Variants in PSME4 observed in about 807,000 individuals in gnomAD.
PSME4 encodes proteasome activator complex subunit 4.
Under a neutral mutation model 253.9 loss-of-function variants are expected in PSME4, and 89 were observed. The ratio of observed to expected loss-of-function variants is 0.35; its 90% CI spans 0.30 to 0.42. PSME4 has a LOEUF of 0.42. Among genes scored for constraint, PSME4 ranks in the 10% least tolerant of loss-of-function variants. PSME4 has a pLI of 1.00. For missense variants in PSME4, 2,014 were observed against 2,195.2 expected (o/e 0.92, Z 1.65); for synonymous variants, 851 against 759.2 (o/e 1.12, Z -1.99).
intron 1 of PSME4, among the ~76,000 whole-genome samples, chr2:53,969,636 G>A (rs1670936917): frequency 6.7e-6 from 1 of 150,364 alleles, no homozygotes; most frequent in African/African-American, 2.4e-5. Context: ...CAGTAAAGAT[G>A]CCCATCCAGC....
At position 53,920,994 on chromosome 2, in the gene PSME4, GT is replaced by G. The variant is rs1338660563; in HGVS notation, c.2156del (p.Asn719ThrfsTer96). 1 of 1,614,018 alleles carries G rather than the reference GT, an allele frequency of 6.2e-7. No individual in the cohort carries two copies. The highest frequency in any genetic ancestry group is 8.5e-7 in the Non-Finnish European group (1 of 1,179,932). On this transcript the variant is annotated frameshift_variant, in exon 18 of 47. Coordinates refer to ENST00000404125, the MANE Select transcript of PSME4 (RefSeq NM_014614.3). LOFTEE classifies it high-confidence loss of function. ...TCKQGYTLSC[N>X]LLHHLLRSTT... ...TAGAACGGAGAAGATGATGCAAAAG[GT>G]TACAAGACAGAGTGTAACCCTGCTT...
chr2:53,937,369 G>C (rs2104464972), intron 5 of PSME4, 22 bp downstream of exon 5: 2 of 1,512,424 alleles, frequency 1.3e-6, no homozygotes, highest in Non-Finnish European at 1.8e-6. Flanking sequence ...TTTAGAATTT[G>C]TCAAGATATG....
At chr2:53,875,593 A>C in intron 42 of PSME4, 34 bp downstream of exon 42, 1 of 1,576,820 alleles carries the variant, frequency 6.3e-7, no homozygotes, top group East Asian at 2.2e-5. Context: ...CCAAAATCCT[A>C]ATCAAAAGAC....
At chr2:53,872,969 G>A (rs1217350978) in intron 43 of PSME4, among the ~76,000 whole-genome samples, 1 of 151,758 alleles carries the variant, frequency 6.6e-6, no homozygotes, top group African/African-American at 2.4e-5. Flanking sequence ...GGCCAGGCGT[G>A]GTGGCTCACG....
chr2:53,908,052 C>A, intron 24 of PSME4: 1 of 358,348 alleles, frequency 2.8e-6, no homozygotes, highest in Non-Finnish European at 5.0e-6. Flanking sequence ...CAAGTTCTTA[C>A]AAGGTAGTCT....
chr2:53,898,460 C>T (rs766206208), intron 29 of PSME4, 106 bp from the exon 30 acceptor site: 28 of 835,450 alleles, frequency 3.4e-5, no homozygotes, highest in Non-Finnish European at 5.2e-5. Context: ...TCCCCACTTA[C>T]TTCCCACCAC....
intron 3 of PSME4, among the ~76,000 whole-genome samples, chr2:53,943,441 T>A (rs961615513): frequency 6.6e-6 from 1 of 150,538 alleles, no homozygotes; most frequent in Non-Finnish European, 1.5e-5. Flanking sequence ...CCATCTCATA[T>A]CTTATCTTCA....
In PSME4 at chr2:53,895,853, T is replaced by C. The variant is rs1680114993; in HGVS notation, c.3689-117A>G. ...TCTTCACAAAACAACACTACAAAAATAACATTAAGATAACATATATATGAG... is the reference window on the plus strand; with the variant it reads ...TCTTCACAAAACAACACTACAAAAACAACATTAAGATAACATATATATGAG... On this transcript the variant is annotated intron_variant, in intron 32 of 46. Transcript: ENST00000404125. 11 of 897,832 alleles carry C rather than the reference T, an allele frequency of 1.2e-5. No individual in the cohort carries two copies. The Middle Eastern group carries it at 7.1e-4, about 58-fold the overall frequency. The allele number at this position is 897,832 out of a possible 1,614,324, so 55.6% of individuals were successfully genotyped here. A position where few individuals can be genotyped will look rare whatever the true frequency, so the allele number is the denominator to read the frequency against.
At chr2:53,944,995 T>G (rs943141006) in intron 3 of PSME4, among the ~76,000 whole-genome samples, 1 of 152,112 alleles carries the variant, frequency 6.6e-6, no homozygotes, top group Non-Finnish European at 1.5e-5. Context: ...AAAATAAATT[T>G]TAAAAAGTAG....
At position 53,920,359 on chromosome 2, in the gene PSME4, G is replaced by C. The variant is rs766605811; in HGVS notation, c.2263-9C>G. Reference sequence around the variant, plus strand: ...CCGGGTTTGCCCCAGTCCTAGAAGAGAACAGCATCTACTCAGCAAGTTGAG... The same window carrying C: ...CCGGGTTTGCCCCAGTCCTAGAAGACAACAGCATCTACTCAGCAAGTTGAG... On this transcript the variant is annotated splice_polypyrimidine_tract_variant and intron_variant, in intron 18 of 46. Transcript: ENST00000404125. The C allele has an allele frequency of 6.3e-7, 1 of 1,594,690 alleles. No homozygotes were observed. The highest frequency in any genetic ancestry group is 8.5e-7 in the Non-Finnish European group (1 of 1,170,840).
chr2:53,916,974 T>C (rs950203432), intron 20 of PSME4, among the ~76,000 whole-genome samples: 13 of 152,020 alleles, frequency 8.6e-5, no homozygotes, highest in African/African-American at 3.1e-4. Flanking sequence ...CACAGATACA[T>C]GTAACTAAAA....
At chr2:53,906,897 C>T (rs749086882) in intron 24 of PSME4, 29 bp from the exon 25 acceptor site, 1 of 1,600,602 alleles carries the variant, frequency 6.2e-7, no homozygotes, top group South Asian at 1.1e-5. Flanking sequence ...ACAAATACTT[C>T]AACATTTTCC....
chr2:53,932,603 A>C, intron 9 of PSME4, 65 bp downstream of exon 9: 1 of 1,298,076 alleles, frequency 7.7e-7, no homozygotes, highest in Admixed American at 1.7e-5. Context: ...CACAATAGGC[A>C]ATAGTCAAGG....
At chr2:53,909,985 A>G (rs1013613160) in intron 21 of PSME4, 90 bp downstream of exon 21, 79 of 1,133,432 alleles carry the variant, frequency 7.0e-5, no homozygotes, top group Non-Finnish European at 8.9e-5. Context: ...AAAACAAAAC[A>G]AAAACACTAC....
At chr2:53,942,379 A>T (rs805364) in intron 3 of PSME4, among the ~76,000 whole-genome samples, 41,293 of 151,074 alleles carry the variant, frequency 0.27, 5,735 homozygotes, top group South Asian at 0.32. Context: ...TTTTTTTTTT[A>T]AAATCAAAAG....
rs988778094 is a variant in PSME4 at position 53,937,605 on chromosome 2, T to C, written c.546-65A>G. The stretch of plus-strand genomic sequence containing the variant: ...CTAAAAGCTCTACAACAGCAATATA[T>C]ATAACTGACCAAAAGGCTGGGGGAG... On this transcript the variant is annotated intron_variant, in intron 4 of 46. Coordinates refer to ENST00000404125, the MANE Select transcript of PSME4 (RefSeq NM_014614.3). 9.5e-6 allele frequency: 14 copies of C among 1,467,328 alleles called. No individual in the cohort carries two copies. In the African/African-American group the frequency reaches 1.4e-4, roughly 15 times the overall value. The allele number at this position is 1,467,328 out of a possible 1,614,324, so 90.9% of individuals were successfully genotyped here.
rs747591654 is a variant in PSME4 at position 53,904,048 on chromosome 2, C to G, written c.3052G>C (p.Gly1018Arg). 6.2e-7 allele frequency: 1 copy of G among 1,613,198 alleles called. No homozygotes were observed. The highest frequency in any genetic ancestry group is 8.5e-7 in the Non-Finnish European group (1 of 1,179,524). Residue 1018 changes from glycine (G) to arginine (R), a missense_variant, in exon 27 of 47, where the codon GGT becomes CGT. Around this residue, in one of 4 missense-constraint regions of PSME4, gnomAD observed 989 missense variants for 1,021.1 expected, o/e 0.97. Transcript: ENST00000404125. The part of the protein sequence containing the change: ...VLEFLRPDRQ[G>R]VTQQQFKGAL... ...ACCTTGAATTGTTGCTGTGTAACAC[C>G]TTGTCTATCAGGCCTTAAGAACTCC...
At chr2:53,869,750 A>C (rs1175506213) in intron 43 of PSME4, 1 of 369,252 alleles carries the variant, frequency 2.7e-6, no homozygotes, top group African/African-American at 2.1e-5. Context: ...TAGGGTTATG[A>C]GCATAAACTT....
intron 34 of PSME4, among the ~76,000 whole-genome samples, chr2:53,894,334 C>T (rs1257651663): frequency 1.3e-5 from 2 of 152,024 alleles, no homozygotes; most frequent in African/African-American, 2.4e-5. Flanking sequence ...TGCAGTGGTG[C>T]GATCATGGCT....
Sources: allele counts gnomAD v4.1 joint callset (sites outside exome capture counted in the v4.1 genomes callset), GRCh38; gene constraint gnomAD v4.1.1; regional missense constraint gnomAD v4.1.1; transcripts MANE v1.5; gene names NCBI Gene and HGNC (gene_info 2026-07-23, HGNC 2026-07-21).